The following PPP6R2 variants were observed in gnomAD, a reference collection of about 807,000 sequenced individuals.
PPP6R2 encodes protein phosphatase 6 regulatory subunit 2.
A neutral mutation model predicts 100.2 loss-of-function variants in PPP6R2; 62 were observed. That is an observed-to-expected ratio of 0.62 (90% CI 0.50 to 0.76). The LOEUF (loss-of-function observed/expected upper bound fraction) is 0.76. Among genes scored for constraint, PPP6R2 ranks in the 30% least tolerant of loss-of-function variants. PPP6R2 has a pLI of 0.00. For missense variants in PPP6R2, 1,142 were observed against 1,276.3 expected (o/e 0.89, Z 1.60); for synonymous variants, 525 against 514.7 (o/e 1.02, Z -0.27).
At chr22:50,338,020 GGTATGTGTGGTGTGTTTGT>G in the PPP6R2 span, among the ~76,000 whole-genome samples, 1 of 141,412 alleles carries the variant, frequency 7.1e-6, no homozygotes, top group Non-Finnish European at 1.5e-5. Flanking sequence ...GTGTGTGGGG[GGTATGTGTGGTGTGTTTGT>G]GTATGTGTGG....
At chr22:50,349,657 C>A (rs1338732969) in intron 1 of PPP6R2, among the ~76,000 whole-genome samples, 2 of 151,874 alleles carry the variant, frequency 1.3e-5, no homozygotes, top group Non-Finnish European at 2.9e-5. Flanking sequence ...GAAACCCCGT[C>A]TTTACTAAAA....
the PPP6R2 span, among the ~76,000 whole-genome samples, chr22:50,331,459 A>G: frequency 6.6e-6 from 1 of 152,066 alleles, no homozygotes. Flanking sequence ...AACGCTTAGT[A>G]TTATTGTTCC....
chr22:50,352,183 C>T lies in PPP6R2; in HGVS notation c.-148+8633C>T, dbSNP rs1029322628. Among the ~76,000 whole-genome samples the T allele has an allele frequency of 3.9e-5, 6 of 152,150 alleles. No homozygotes were observed. The East Asian group carries it at 1.2e-3, about 30-fold the overall frequency. On this transcript the variant is annotated intron_variant, in intron 1 of 23. Coordinates refer to ENST00000612753, the MANE Select transcript of PPP6R2 (RefSeq NM_001242898.2). ...CTTGAACTCCTGACCTCAAGTGATC[C>T]TTCCGCCTCGGCCTCCCAAAGTGCT...
At chr22:50,408,390 G>T (rs1569437952) in intron 4 of PPP6R2, among the ~76,000 whole-genome samples, 1 of 152,192 alleles carries the variant, frequency 6.6e-6, no homozygotes, top group East Asian at 1.9e-4. Flanking sequence ...GCATGCATGT[G>T]AGTGTTCAGT....
intron 2 of PPP6R2, among the ~76,000 whole-genome samples, chr22:50,377,287 C>G (rs1304299795): frequency 6.6e-6 from 1 of 151,942 alleles, no homozygotes. Context: ...AAACCTGTCT[C>G]TACAAAGAAT....
At chr22:50,416,029 A>G in intron 5 of PPP6R2, 63 bp from the exon 6 acceptor site, 3 of 1,465,188 alleles carry the variant, frequency 2.0e-6, no homozygotes, top group Non-Finnish European at 2.9e-6. Context: ...CCAAAGGGGA[A>G]AGGTTCCTGT....
chr22:50,437,033 G>T lies in PPP6R2; in HGVS notation c.1648G>T (p.Glu550Ter). The T allele has an allele frequency of 6.4e-7, 1 of 1,563,218 alleles. No individual in the cohort carries two copies. The highest frequency in any genetic ancestry group is 8.7e-7 in the Non-Finnish European group (1 of 1,154,040). ...CTCCTCAAGTGAGGACGAGGACATT[G>T]AGGGTGCTTTCCCTAACGAGCTGTC... ...LHSSSEDEDI[E>*]GAFPNELSLQ... Residue 550 changes from glutamate (E) to a stop codon, truncating the protein, a stop_gained, in exon 15 of 24, where the codon GAG becomes TAG. Coordinates refer to ENST00000612753, the MANE Select transcript of PPP6R2 (RefSeq NM_001242898.2). LOFTEE classifies it high-confidence loss of function.
chr22:50,428,710 T>C (rs12483990), intron 10 of PPP6R2, among the ~76,000 whole-genome samples: 21,568 of 151,250 alleles, frequency 0.14, 1,801 homozygotes, highest in East Asian at 0.43. Flanking sequence ...CAGAGCAAGA[T>C]CCTTGCTCAA....
At position 50,392,733 on chromosome 22, in the gene PPP6R2, A is replaced by C. The variant is rs560459923; in HGVS notation, c.-16-1160A>C. On this transcript the variant is annotated intron_variant, in intron 2 of 23. Transcript: ENST00000612753. ...TATCTGGGGCCAGGAGAGGTTTTGG[A>C]GCTGAGATGAGATGTGTAGACATCA... Among the ~76,000 whole-genome samples the C allele has an allele frequency of 1.1e-3, 175 of 152,214 alleles. 1 individual carries two copies. The highest frequency in any genetic ancestry group is 4.0e-3 in the African/African-American group (166 of 41,544).
Position 50,414,609 on chromosome 22 carries a change from G to T in PPP6R2, c.472G>T (p.Gly158Cys). 3 of 1,613,924 alleles carry T rather than the reference G, an allele frequency of 1.9e-6. No homozygotes were observed. The highest frequency in any genetic ancestry group is 2.5e-6 in the Non-Finnish European group (3 of 1,179,962). The change falls in exon 5 of 24, where the codon GGC becomes TGC. Residue 158 changes from glycine (G) to cysteine (C), a missense_variant. By Grantham distance (159) the Gly-to-Cys change is radical. Coordinates refer to ENST00000612753, the MANE Select transcript of PPP6R2 (RefSeq NM_001242898.2). Reference protein sequence around the residue: ...KFISLVLKHIGTSALMDLLLR... With the variant: ...KFISLVLKHICTSALMDLLLR... ...CATCAGCCTGGTGTTGAAGCACATC[G>T]GCACCTCAGCGCTTATGGACCTGCT...
intron 21 of PPP6R2, among the ~76,000 whole-genome samples, chr22:50,440,399 G>A (rs2065306381): frequency 6.6e-6 from 1 of 152,218 alleles, no homozygotes; most frequent in Admixed American, 6.5e-5. Context: ...CCTGATCAGA[G>A]CCCCTGGCCC....
chr22:50,384,861 C>T (rs1057402506), intron 2 of PPP6R2, among the ~76,000 whole-genome samples: 5 of 152,186 alleles, frequency 3.3e-5, no homozygotes, highest in African/African-American at 1.2e-4. Context: ...CCACCTCAGC[C>T]TCCTGAGTAG....
intron 2 of PPP6R2, among the ~76,000 whole-genome samples, chr22:50,374,010 T>G (rs1017181029): frequency 6.6e-6 from 1 of 152,096 alleles, no homozygotes; most frequent in Non-Finnish European, 1.5e-5. Context: ...CTGGGATTAT[T>G]ATAGGCGTGA....
In PPP6R2 at chr22:50,418,992, G is replaced by A; in HGVS notation, c.731+13G>A. ...CAGCGCTGGAGTCGTGAGTGCTGGT[G>A]GGCCGTGGTGCTGGTGGGCCTCCCT... is the stretch of plus-strand genomic sequence containing the variant. On this transcript the variant is annotated intron_variant, in intron 7 of 23. Coordinates refer to ENST00000612753, the MANE Select transcript of PPP6R2 (RefSeq NM_001242898.2). The A allele has an allele frequency of 6.3e-7, 1 of 1,599,634 alleles. No homozygotes were observed. The highest frequency in any genetic ancestry group is 1.1e-5 in the South Asian group (1 of 90,752).
intron 1 of PPP6R2, among the ~76,000 whole-genome samples, chr22:50,354,858 C>T (rs923500544): frequency 8.1e-5 from 12 of 147,508 alleles, no homozygotes; most frequent in African/African-American, 2.8e-4. Context: ...GCTGCTGCAC[C>T]TGGATCAGCC....
chr22:50,434,979 A>T lies in PPP6R2; in HGVS notation c.1414A>T (p.Met472Leu). 3.7e-6 allele frequency: 6 copies of T among 1,604,990 alleles called. No individual in the cohort carries two copies. The highest frequency in any genetic ancestry group is 5.1e-6 in the Non-Finnish European group (6 of 1,177,230). Residue 472 changes from methionine (M) to leucine (L), a missense_variant, in exon 13 of 24, where the codon ATG becomes TTG. By Grantham distance (15) the Met-to-Leu change is conservative. This residue lies in a region of PPP6R2 where 592 missense variants were observed against 758.9 expected (regional missense o/e 0.78). Coordinates refer to ENST00000612753, the MANE Select transcript of PPP6R2 (RefSeq NM_001242898.2). ...TGTTGCTTTCAGGGCAGCGGGTGGC[A>T]TGAGACGTGGGAACATGGGCCACCT... is the stretch of plus-strand genomic sequence containing the variant. The part of the protein sequence containing the change: ...ANDHTQAAGG[M>L]RRGNMGHLTR...
At chr22:50,339,256 G>A (rs1426118784), upstream of PPP6R2, among the ~76,000 whole-genome samples, 1 of 126,192 alleles carries the variant, frequency 7.9e-6, no homozygotes, top group Non-Finnish European at 1.6e-5. Context: ...TGTGTGTGTT[G>A]TGTGATTGTG....
In PPP6R2 at chr22:50,351,026, G is replaced by GGTTTTTTTTTTTTTTTTTTTTTT. The variant is rs1386357403; in HGVS notation, c.-148+7476_-148+7477insGTTTTTTTTTTTTTTTTTTTTTT. On this transcript the variant is annotated intron_variant, in intron 1 of 23. Coordinates refer to ENST00000612753, the MANE Select transcript of PPP6R2 (RefSeq NM_001242898.2). Reference sequence around the variant, plus strand: ...TTTCTGAGCAGTAGGTCTCAACAGTGTTTTTTTTTTTTTTTTTTTTTTTTT... The same window carrying GGTTTTTTTTTTTTTTTTTTTTTT: ...TTTCTGAGCAGTAGGTCTCAACAGTGGTTTTTTTTTTTTTTTTTTTTTTTTTTTTTTTTTTTTTTTTTTTTTTT... Among the ~76,000 whole-genome samples the GGTTTTTTTTTTTTTTTTTTTTTT allele has an allele frequency of 3.7e-5, 3 of 80,748 alleles. 1 individual carries two copies. Among genetic ancestry groups the GGTTTTTTTTTTTTTTTTTTTTTT allele is most frequent in the African/African-American group, 1.0e-4 (2 of 19,518 alleles). The allele number at this position is 80,748 out of a possible 152,430, so 53.0% of individuals were successfully genotyped here. A position where few individuals can be genotyped will look rare whatever the true frequency, so the allele number is the denominator to read the frequency against.
chr22:50,405,176 T>C (rs2058651461), intron 3 of PPP6R2, among the ~76,000 whole-genome samples: 1 of 152,122 alleles, frequency 6.6e-6, no homozygotes, highest in Admixed American at 6.6e-5. Context: ...AAGGAGAGGC[T>C]CAGTGGAGGG....
Sources: gnomAD v4.1 joint callset for allele counts (sites outside exome capture counted in the v4.1 genomes callset) on GRCh38, gnomAD v4.1.1 for gene constraint, gnomAD v4.1.1 regional missense constraint, MANE v1.5 for transcripts, NCBI Gene and HGNC (gene_info 2026-07-23, HGNC 2026-07-21) for gene names.